Variants in RTL4 observed in about 807,000 individuals in gnomAD.
RTL4 encodes retrotransposon Gag like 4.
In RTL4, 4 loss-of-function variants were observed where a neutral mutation model predicts 5.3. The observed-to-expected ratio is 0.75, with a 90% confidence interval of 0.37 to 1.72. The LOEUF (loss-of-function observed/expected upper bound fraction) is 1.72. Among genes scored for constraint, RTL4 ranks in the 40% most tolerant of loss-of-function variants. RTL4 has a pLI of 0.04. For missense variants in RTL4, 260 were observed against 227.1 expected (o/e 1.14, Z -0.93); for synonymous variants, 98 against 87.3 (o/e 1.12, Z -0.68).
chrX:112,108,330 T>G, the RTL4 span, among the ~76,000 whole-genome samples: 1 of 112,069 alleles, frequency 8.9e-6, no homozygotes. Flanking sequence ...GTCACTGATG[T>G]TTTATATTTT....
At chrX:112,386,773 T>C in the RTL4 span, among the ~76,000 whole-genome samples, 2 of 111,991 alleles carry the variant, frequency 1.8e-5, no homozygotes, top group Non-Finnish European at 3.8e-5. Flanking sequence ...GCTTTTGGGC[T>C]GCTTTCATAT....
chrX:112,162,926 T>C, the RTL4 span, among the ~76,000 whole-genome samples: 1 of 112,061 alleles, frequency 8.9e-6, no homozygotes, highest in African/African-American at 3.2e-5. Flanking sequence ...TTTAGCGGCA[T>C]CTGAAAATAG....
the RTL4 span, among the ~76,000 whole-genome samples, chrX:112,391,928 G>A: frequency 9.0e-6 from 1 of 110,667 alleles, no homozygotes; most frequent in Non-Finnish European, 1.9e-5. Flanking sequence ...AGAGATGCAT[G>A]TTAGCAATTG....
the RTL4 span, among the ~76,000 whole-genome samples, chrX:112,441,052 T>G: frequency 8.9e-6 from 1 of 111,773 alleles, no homozygotes; most frequent in African/African-American, 3.2e-5. Flanking sequence ...TTTGATATTA[T>G]GAGCTTCACA....
the RTL4 span, among the ~76,000 whole-genome samples, chrX:112,308,925 C>T: frequency 1.8e-5 from 2 of 111,502 alleles, no homozygotes; most frequent in Middle Eastern, 4.2e-3. Flanking sequence ...CAGTGCCCTT[C>T]AGATTAGAGC....
At chrX:112,273,300 C>T in the RTL4 span, among the ~76,000 whole-genome samples, 4 of 107,824 alleles carry the variant, frequency 3.7e-5, no homozygotes, top group African/African-American at 1.0e-4. Flanking sequence ...GTTGCCCAGG[C>T]TGGAGTGCAG....
chrX:112,292,384 C>T, the RTL4 span, among the ~76,000 whole-genome samples: 1 of 111,808 alleles, frequency 8.9e-6, no homozygotes, highest in African/African-American at 3.3e-5. Flanking sequence ...CCCATAGACG[C>T]TTCTCATCAA....
chrX:112,170,769 A>G, the RTL4 span, among the ~76,000 whole-genome samples: 1 of 111,325 alleles, frequency 9.0e-6, no homozygotes, highest in Non-Finnish European at 1.9e-5. Flanking sequence ...CCTGGCCAGG[A>G]CTTCCAATAC....
At chrX:112,310,416 T>TATATATG in the RTL4 span, among the ~76,000 whole-genome samples, 4 of 21,030 alleles carry the variant, frequency 1.9e-4, no homozygotes, top group Non-Finnish European at 3.0e-4. Context: ...ATATATATAT[T>TATATATG]TAATATAATA....
the RTL4 span, among the ~76,000 whole-genome samples, chrX:112,287,699 C>T: frequency 1.3e-4 from 14 of 110,674 alleles, no homozygotes; most frequent in East Asian, 8.5e-4. Context: ...ATCTTAAAGA[C>T]GGACAGCCAG....
chrX:112,155,707 A>G, the RTL4 span, among the ~76,000 whole-genome samples: 1 of 111,649 alleles, frequency 9.0e-6, no homozygotes, highest in Non-Finnish European at 1.9e-5. Flanking sequence ...TCTTGAATAA[A>G]TGCTTCTTAG....
chrX:112,327,665 G>A, the RTL4 span, among the ~76,000 whole-genome samples: 5 of 109,746 alleles, frequency 4.6e-5, no homozygotes, highest in African/African-American at 1.7e-4. Context: ...ACGCCACAAA[G>A]ATACTCCTCG....
At chrX:112,264,764 G>T in the RTL4 span, among the ~76,000 whole-genome samples, 1 of 111,712 alleles carries the variant, frequency 9.0e-6, no homozygotes. Flanking sequence ...AATGCAGAAG[G>T]GGTCTGTGTG....
the RTL4 span, among the ~76,000 whole-genome samples, chrX:112,430,241 C>T: frequency 2.7e-5 from 3 of 110,795 alleles, no homozygotes; most frequent in Non-Finnish European, 1.9e-5. Context: ...AGTTTTTTCT[C>T]GGTCTTTTTT....
chrX:112,267,237 T>C, the RTL4 span, among the ~76,000 whole-genome samples: 1 of 112,228 alleles, frequency 8.9e-6, no homozygotes, highest in African/African-American at 3.2e-5. Flanking sequence ...CAAATCAGGC[T>C]TTTGCCTCGA....
At chrX:112,419,566 G>T in the RTL4 span, among the ~76,000 whole-genome samples, 35 of 5,140 alleles carry the variant, frequency 6.8e-3, 3 homozygotes, top group Non-Finnish European at 1.9e-3. Context: ...CACTATGTTG[G>T]CCAAGGTAGT....
chrX:112,113,804 A>C, the RTL4 span, among the ~76,000 whole-genome samples: 1 of 111,945 alleles, frequency 8.9e-6, no homozygotes. Flanking sequence ...ATAACAAGCC[A>C]CACCAGTTGA....
chrX:112,162,330 CT>C, the RTL4 span, among the ~76,000 whole-genome samples: 1 of 111,671 alleles, frequency 9.0e-6, no homozygotes, highest in Non-Finnish European at 1.9e-5. Flanking sequence ...TAGGAAAACT[CT>C]TTTTTTGTTT....
chrX:112,158,273 A>G, the RTL4 span, among the ~76,000 whole-genome samples: 3 of 111,692 alleles, frequency 2.7e-5, no homozygotes, highest in East Asian at 8.5e-4. Flanking sequence ...AAGGCACCTA[A>G]TATGATTTTA....
Sources: gnomAD v4.1 joint callset for allele counts (sites outside exome capture counted in the v4.1 genomes callset) on GRCh38, gnomAD v4.1.1 for gene constraint, MANE v1.5 for transcripts, NCBI Gene and HGNC (gene_info 2026-07-23, HGNC 2026-07-21) for gene names.